Variants in TMTC2 observed in about 807,000 individuals in gnomAD.
TMTC2 encodes the protein transmembrane O-mannosyltransferase targeting cadherins 2, also known as protein O-mannosyl-transferase TMTC2.
A neutral mutation model predicts 82.4 loss-of-function variants in TMTC2; 43 were observed. The ratio of observed to expected loss-of-function variants is 0.52; its 90% CI spans 0.41 to 0.67. TMTC2 has a LOEUF of 0.67. Ranked by LOEUF, TMTC2 falls within the 30% of genes least tolerant of loss-of-function variation. The probability of loss-of-function intolerance (pLI) is 0.00; values close to 1 mark genes in which losing one functional copy is unlikely to be tolerated. For missense variants in TMTC2, 919 were observed against 1,012.4 expected (o/e 0.91, Z 1.25); for synonymous variants, 408 against 381.9 (o/e 1.07, Z -0.80).
At chr12:82,819,633 C>G (rs1314570448) in intron 1 of TMTC2, among the ~76,000 whole-genome samples, 1 of 151,498 alleles carries the variant, frequency 6.6e-6, no homozygotes, top group East Asian at 2.0e-4. Context: ...TCTTTAGTAG[C>G]TGGGATTACA....
intron 11 of TMTC2, among the ~76,000 whole-genome samples, chr12:83,085,449 T>A (rs925246987): frequency 2.6e-5 from 4 of 152,248 alleles, no homozygotes; most frequent in African/African-American, 9.6e-5. Context: ...CTTTCGGATT[T>A]CATTTGTTTT....
At chr12:83,124,242 A>G (rs1885040799) in intron 11 of TMTC2, among the ~76,000 whole-genome samples, 2 of 152,216 alleles carry the variant, frequency 1.3e-5, no homozygotes, top group Admixed American at 1.3e-4. Context: ...ACATATAATA[A>G]GTGGTCAATA....
intron 1 of TMTC2, among the ~76,000 whole-genome samples, chr12:82,781,629 C>T (rs1877913528): frequency 6.6e-6 from 1 of 151,356 alleles, no homozygotes; most frequent in Non-Finnish European, 1.5e-5. Context: ...AATTACGTAT[C>T]ATGCTACACA....
chr12:82,834,964 G>A (rs528850631), intron 1 of TMTC2, among the ~76,000 whole-genome samples: 157 of 151,634 alleles, frequency 1.0e-3, no homozygotes, highest in Middle Eastern at 6.8e-3. Context: ...TGCAACCTCT[G>A]TCTCCCGAGT....
intron 11 of TMTC2, among the ~76,000 whole-genome samples, chr12:83,115,266 C>T (rs893322806): frequency 2.6e-5 from 4 of 151,976 alleles, no homozygotes; most frequent in Admixed American, 6.5e-5. Flanking sequence ...GAATGAATTA[C>T]GTTGCTTAAA....
At chr12:82,837,407 A>C (rs563158149) in intron 1 of TMTC2, among the ~76,000 whole-genome samples, 21 of 152,286 alleles carry the variant, frequency 1.4e-4, no homozygotes, top group Non-Finnish European at 2.4e-4. Context: ...CAGGCATTCA[A>C]ATCTAGCCTG....
chr12:82,872,005 AC>A (rs61305687), intron 2 of TMTC2, among the ~76,000 whole-genome samples: 9,059 of 95,330 alleles, frequency 0.095, 364 homozygotes, highest in African/African-American at 0.17. Flanking sequence ...GTTGAACAAC[AC>A]CCCCCCCCCC....
At chr12:83,025,325 C>T (rs974212866) in intron 8 of TMTC2, among the ~76,000 whole-genome samples, 4 of 151,108 alleles carry the variant, frequency 2.6e-5, no homozygotes, top group African/African-American at 9.7e-5. Context: ...TTATAGAACA[C>T]GATTAATGCA....
intron 1 of TMTC2, among the ~76,000 whole-genome samples, chr12:82,706,724 A>T (rs537581334): frequency 1.4e-3 from 214 of 152,324 alleles, no homozygotes; most frequent in African/African-American, 5.0e-3. Context: ...TTTACTTGGT[A>T]AGTAGCTGAA....
At chr12:82,914,768 A>T (rs1242837458) in intron 3 of TMTC2, among the ~76,000 whole-genome samples, 3 of 151,490 alleles carry the variant, frequency 2.0e-5, no homozygotes, top group African/African-American at 7.3e-5. Context: ...ATGTTAATTT[A>T]ATATGTGACT....
chr12:82,798,329 T>C (rs1878822601), intron 1 of TMTC2, among the ~76,000 whole-genome samples: 1 of 149,370 alleles, frequency 6.7e-6, no homozygotes, highest in African/African-American at 2.4e-5. Context: ...CCCAGCACTT[T>C]GGGAGGCCGA....
At chr12:82,969,263 A>G (rs1008240232) in intron 7 of TMTC2, among the ~76,000 whole-genome samples, 1 of 152,194 alleles carries the variant, frequency 6.6e-6, no homozygotes, top group African/African-American at 2.4e-5. Context: ...ACATATTATT[A>G]GTGCCCTTTA....
At chr12:82,759,753 C>A (rs1294455125) in intron 1 of TMTC2, 1 of 152,150 alleles carries the variant, frequency 6.6e-6, no homozygotes, top group African/African-American at 2.4e-5. Context: ...TAGATGACAG[C>A]CCAAAGGCGA....
At chr12:83,086,368 T>C (rs950629518) in intron 11 of TMTC2, among the ~76,000 whole-genome samples, 1 of 152,220 alleles carries the variant, frequency 6.6e-6, no homozygotes, top group Admixed American at 6.5e-5. Context: ...GAGCCCAGGA[T>C]CCTTTTTGTA....
intron 8 of TMTC2, among the ~76,000 whole-genome samples, chr12:83,017,752 A>T (rs1880737046): frequency 6.6e-6 from 1 of 151,688 alleles, no homozygotes; most frequent in African/African-American, 2.4e-5. Flanking sequence ...CCTGAATTGA[A>T]TTCCATTTTT....
chr12:83,077,270 G>A (rs181522879), intron 11 of TMTC2, among the ~76,000 whole-genome samples: 5 of 152,288 alleles, frequency 3.3e-5, no homozygotes, highest in Non-Finnish European at 5.9e-5. Flanking sequence ...AGTGGTGCCC[G>A]TGCTATGCCT....
At chr12:82,743,270 A>G (rs1230106684) in intron 1 of TMTC2, among the ~76,000 whole-genome samples, 1 of 151,942 alleles carries the variant, frequency 6.6e-6, no homozygotes, top group Admixed American at 6.6e-5. Flanking sequence ...GTGAAACCCC[A>G]TCTCTACTAA....
intron 9 of TMTC2, among the ~76,000 whole-genome samples, chr12:83,046,273 G>GAA (rs1437958354): frequency 1.3e-5 from 2 of 152,108 alleles, no homozygotes; most frequent in Non-Finnish European, 2.9e-5. Context: ...AGAGTATGGT[G>GAA]AAAAACATTT....
At chr12:82,949,963 C>G (rs1236107670) in intron 4 of TMTC2, among the ~76,000 whole-genome samples, 1 of 152,072 alleles carries the variant, frequency 6.6e-6, no homozygotes, top group Non-Finnish European at 1.5e-5. Context: ...GATGCAAATT[C>G]AAGATGCTTA....
Sources: gnomAD v4.1 joint callset for allele counts (sites outside exome capture counted in the v4.1 genomes callset) on GRCh38, gnomAD v4.1.1 for gene constraint, MANE v1.5 for transcripts, NCBI Gene and HGNC (gene_info 2026-07-23, HGNC 2026-07-21) for gene names.